Variants in IVNS1ABP observed in about 807,000 individuals in gnomAD.
IVNS1ABP encodes the protein influenza virus NS1A-binding protein.
IVNS1ABP carries 25 observed loss-of-function variants against 78.9 expected under a neutral mutation model. That is an observed-to-expected ratio of 0.32 (90% CI 0.23 to 0.44). The LOEUF (loss-of-function observed/expected upper bound fraction) is 0.44, where lower values mean the gene tolerates loss of function less well. Ranked by LOEUF, IVNS1ABP falls within the 20% of genes least tolerant of loss-of-function variation. The pLI is 1.00. For missense variants in IVNS1ABP, 494 were observed against 768.9 expected (o/e 0.64, Z 4.23); for synonymous variants, 241 against 259.7 (o/e 0.93, Z 0.69).
rs374236378 is a variant in IVNS1ABP, at chr1:185,310,446, A to G, written c.-19+649T>C. On this transcript the variant is annotated intron_variant, in intron 2 of 14. Transcript: ENST00000367498. The stretch of plus-strand genomic sequence containing the variant: ...AACATGGTGAAACCCTATCTCTACT[A>G]AAAATACAAAATTTAGCCAGGCATG... 4.0e-4 allele frequency among the ~76,000 whole-genome samples: 61 copies of G among 152,234 alleles called. 1 individual carries two copies. The East Asian group carries it at 0.011, about 27-fold the overall frequency.
In IVNS1ABP at chr1:185,316,956, G is replaced by A; in HGVS notation, c.-250C>T. On this transcript the variant is annotated 5_prime_UTR_variant, in exon 1 of 15. Coordinates refer to ENST00000367498, the MANE Select transcript of IVNS1ABP (RefSeq NM_006469.5). ...TCGTAGAACCAGCGCGTATTACCTG[G>A]TTCATCTCTGAAGAGATGGAAACAT... 2.5e-6 allele frequency: 1 copy of A among 398,522 alleles called. No individual in the cohort carries two copies. Among genetic ancestry groups the A allele is most frequent in the Non-Finnish European group, 4.4e-6 (1 of 226,042 alleles). The allele number at this position is 398,522 out of a possible 1,614,324, so 24.7% of individuals were successfully genotyped here.
At chr1:185,311,447 T>C (rs1186016426) in intron 1 of IVNS1ABP, 125 bp from the exon 2 acceptor site, 3 of 372,858 alleles carry the variant, frequency 8.0e-6, no homozygotes, top group African/African-American at 6.3e-5. Flanking sequence ...GGCAAAAATA[T>C]TCCCATTACA....
intron 7 of IVNS1ABP, chr1:185,306,626 C>A: frequency 8.5e-7 from 1 of 1,182,548 alleles, no homozygotes. Context: ...GTTAATAAAC[C>A]TATGGGGAGA....
At position 185,317,198 on chromosome 1, in the gene IVNS1ABP, C is replaced by T. The variant is rs955124386; in HGVS notation, c.-492G>A. On this transcript the variant is annotated 5_prime_UTR_variant, in exon 1 of 15. Coordinates refer to ENST00000367498, the MANE Select transcript of IVNS1ABP (RefSeq NM_006469.5). ...GAAGCAGCAGGCGGAGAAACTGCGC[C>T]CAGCAGCTCTGAGCGACCGACCTCC... 5 of 398,236 alleles carry T rather than the reference C, an allele frequency of 1.3e-5. No homozygotes were observed. The highest frequency in any genetic ancestry group is 2.2e-5 in the Non-Finnish European group (5 of 225,956). 24.7% of individuals were successfully genotyped at this position (398,236 alleles called of 1,614,324 possible).
At chr1:185,309,579 G>C in intron 2 of IVNS1ABP, 68 bp from the exon 3 acceptor site, 1 of 767,560 alleles carries the variant, frequency 1.3e-6, no homozygotes, top group South Asian at 1.5e-5. Flanking sequence ...TAATGCTAAA[G>C]AGTAATACAG....
intron 10 of IVNS1ABP, 172 bp from the exon 11 acceptor site, chr1:185,300,730 A>G: frequency 1.4e-6 from 1 of 727,110 alleles, no homozygotes; most frequent in East Asian, 2.7e-5. Flanking sequence ...AAATCGCATT[A>G]TCAGTACAAA....
chr1:185,309,293 A>C, intron 3 of IVNS1ABP, 90 bp downstream of exon 3: 1 of 1,202,238 alleles, frequency 8.3e-7, no homozygotes, highest in Non-Finnish European at 1.2e-6. Flanking sequence ...CATTTCATTA[A>C]ATGCCTATGA....
At chr1:185,308,097 C>A in intron 5 of IVNS1ABP, 1 of 1,494,780 alleles carries the variant, frequency 6.7e-7, no homozygotes, top group Non-Finnish European at 9.0e-7. Context: ...AAGGGAAAAT[C>A]TAGAAACTAA....
In IVNS1ABP at chr1:185,300,101, T is replaced by C. The variant is rs781116659; in HGVS notation, c.1399A>G (p.Ile467Val). ...CCATATGGATCAGAGCCACCAACGA[T>C]GTATAACTTTCCATTCAGAGCACAC... ...GVCALNGKLY[I>V]VGGSDPYGQK... Residue 467 changes from isoleucine to valine, a missense_variant, in exon 13 of 15, where the codon ATC (isoleucine) becomes GTC (valine). Physicochemically the swap from Ile to Val is conservative, Grantham distance 29. Transcript: ENST00000367498. 9.9e-6 allele frequency: 16 copies of C among 1,613,308 alleles called. No individual in the cohort carries two copies. The Admixed American group carries it at 1.7e-4, about 17-fold the overall frequency.
chr1:185,309,023 C>T lies in IVNS1ABP; in HGVS notation c.261G>A (p.Leu87=). ...CTTACTGAGCAGTGTAGGCATAATT[C>T]AACAAGACTTCAACAGCTTCTGGAT... ...DLNPEAVEVL[L]NYAYTAQLKA... Residue 87 remains leucine (L), a synonymous_variant, in exon 4 of 15, where the codon TTG becomes TTA. Transcript: ENST00000367498. 1 of 1,611,144 alleles carries T rather than the reference C, an allele frequency of 6.2e-7. No homozygotes were observed. The highest frequency in any genetic ancestry group is 8.5e-7 in the Non-Finnish European group (1 of 1,178,760).
chr1:185,315,524 G>C (rs559477435), intron 1 of IVNS1ABP, among the ~76,000 whole-genome samples: 2 of 152,144 alleles, frequency 1.3e-5, no homozygotes. Context: ...CTCAAGTTCC[G>C]TTTACCTCTG....
At chr1:185,312,910 C>G (rs1665924031) in intron 1 of IVNS1ABP, among the ~76,000 whole-genome samples, 1 of 152,182 alleles carries the variant, frequency 6.6e-6, no homozygotes, top group South Asian at 2.1e-4. Flanking sequence ...CAACTCCTAA[C>G]TTCAGTTTCA....
In IVNS1ABP at chr1:185,300,520, A is replaced by C. The variant is rs753632316; in HGVS notation, c.1159T>G (p.Cys387Gly). ...CAGTGATCTGTATGTGGATTATAGC[A>C]TTCGACTGTTCGAAGACATTCCTCT... ...NREECLRTVECYNPHTDHWSF... is the reference protein window; with the variant it reads ...NREECLRTVEGYNPHTDHWSF... Residue 387 changes from cysteine (C) to glycine (G), a missense_variant, in exon 11 of 15, where the codon TGC becomes GGC. Coordinates refer to ENST00000367498, the MANE Select transcript of IVNS1ABP (RefSeq NM_006469.5). The C allele has an allele frequency of 3.1e-6, 5 of 1,613,556 alleles. No homozygotes were observed. The highest frequency in any genetic ancestry group is 3.4e-6 in the Non-Finnish European group (4 of 1,179,580).
At chr1:185,304,341 C>CA (rs1665681028) in intron 8 of IVNS1ABP, among the ~76,000 whole-genome samples, 1 of 152,104 alleles carries the variant, frequency 6.6e-6, no homozygotes, top group African/African-American at 2.4e-5. Flanking sequence ...AATGTTAACT[C>CA]AAAATGTTTA....
intron 7 of IVNS1ABP, chr1:185,306,358 T>G: frequency 1.4e-6 from 1 of 736,230 alleles, no homozygotes; most frequent in South Asian, 1.8e-5. Context: ...CCACCATTTC[T>G]CCATCAATTT....
chr1:185,304,222 T>A (rs1459861495), intron 8 of IVNS1ABP, among the ~76,000 whole-genome samples: 5 of 152,060 alleles, frequency 3.3e-5, no homozygotes, highest in Non-Finnish European at 7.4e-5. Context: ...TCTTAGAAGG[T>A]CCTACAAGCA....
Position 185,300,126 on chromosome 1 carries a change from C to T in IVNS1ABP, c.1374G>A (p.Val458=), listed in dbSNP as rs761901311. The change falls in exon 13 of 15, where the codon GTG becomes GTA. Residue 458 remains valine (V), a synonymous_variant. Transcript: ENST00000367498. The stretch of plus-strand genomic sequence containing the variant: ...TGTATAACTTTCCATTCAGAGCACA[C>T]ACTCCTATGTAAGTATAAAATAAAG... ...ELRTNRCNAG[V]CALNGKLYIV... The T allele has an allele frequency of 2.1e-5, 34 of 1,612,586 alleles. No homozygotes were observed. The highest frequency in any genetic ancestry group is 2.5e-5 in the Non-Finnish European group (29 of 1,179,154).
In IVNS1ABP at chr1:185,300,158, A is replaced by G. The variant is rs1472353834; in HGVS notation, c.1370-28T>C. On this transcript the variant is annotated intron_variant, in intron 12 of 14. Coordinates refer to ENST00000367498, the MANE Select transcript of IVNS1ABP (RefSeq NM_006469.5). ...ATGTAAGTATAAAATAAAGTTACAT[A>G]TTGATAATTTAATTATCATATTTAA... 8 of 1,604,974 alleles carry G rather than the reference A, an allele frequency of 5.0e-6. No homozygotes were observed. The East Asian group carries it at 1.8e-4, about 36-fold the overall frequency.
chr1:185,314,713 A>G (rs1425705204), intron 1 of IVNS1ABP, among the ~76,000 whole-genome samples: 1 of 152,176 alleles, frequency 6.6e-6, no homozygotes, highest in South Asian at 2.1e-4. Flanking sequence ...ATGCTCCTTT[A>G]AGGCAGTGAG....
Sources: gnomAD v4.1 joint callset for allele counts (sites outside exome capture counted in the v4.1 genomes callset) on GRCh38, gnomAD v4.1.1 for gene constraint, MANE v1.5 for transcripts, NCBI Gene and HGNC (gene_info 2026-07-23, HGNC 2026-07-21) for gene names.